Variants in FANCI observed in about 807,000 individuals in gnomAD.
FANCI encodes FA complementation group I.
A neutral mutation model predicts 176.1 loss-of-function variants in FANCI; 156 were observed. The observed-to-expected ratio is 0.89, with a 90% confidence interval of 0.78 to 1.01. The LOEUF (loss-of-function observed/expected upper bound fraction) is 1.01. FANCI is among the 50% of genes least tolerant of loss of function. The probability of loss-of-function intolerance (pLI) is 0.00; values close to 1 mark genes in which losing one functional copy is unlikely to be tolerated. For synonymous variants in FANCI, 613 were observed against 541.7 expected, an observed-to-expected ratio of 1.13 and a Z score of -1.83; for missense variants, 1,678 against 1,534.1, an observed-to-expected ratio of 1.09 and a Z score of -1.57.
chr15:89,296,199 A>G (rs1456438954), intron 24 of FANCI, among the ~76,000 whole-genome samples: 4 of 151,806 alleles, frequency 2.6e-5, no homozygotes, highest in African/African-American at 9.7e-5. Context: ...TCCTGACCTC[A>G]GGTGATCCAC....
intron 3 of FANCI, chr15:89,258,993 T>G (rs1218561611): frequency 1.9e-6 from 1 of 534,074 alleles, no homozygotes; most frequent in Non-Finnish European, 3.4e-6. Flanking sequence ...CGTTGCTGAT[T>G]TGGGGGCCTA....
chr15:89,273,897 G>GCCTTTTTTCCC (rs2053303318), intron 11 of FANCI, among the ~76,000 whole-genome samples: 4 of 152,158 alleles, frequency 2.6e-5, no homozygotes, highest in Admixed American at 1.3e-4. Flanking sequence ...TTGACTTTTA[G>GCCTTTTTTCCC]CCTTTTTTCC....
chr15:89,264,920 C>G (rs1261754403), intron 9 of FANCI, among the ~76,000 whole-genome samples: 1 of 152,174 alleles, frequency 6.6e-6, no homozygotes, highest in Non-Finnish European at 1.5e-5. Flanking sequence ...TGTCCCTGCT[C>G]TTGTAGAACT....
At chr15:89,267,531 AAG>A (rs1296328168) in intron 9 of FANCI, among the ~76,000 whole-genome samples, 2 of 152,096 alleles carry the variant, frequency 1.3e-5, no homozygotes, top group African/African-American at 2.4e-5. Flanking sequence ...TGAGGGTAGA[AAG>A]AGGATAGAAG....
At position 89,316,950 on chromosome 15, in the gene FANCI, C is replaced by G. The variant is rs1453542404; in HGVS notation, c.*491C>G. ...AGTGAAAGGTTGAGAACAATTGCCA[C>G]GAACGGTAATGTTACATGTTAGGAG... On this transcript the variant is annotated 3_prime_UTR_variant, in exon 38 of 38. Transcript: ENST00000310775. 8.9e-5 allele frequency: 68 copies of G among 760,734 alleles called. No individual in the cohort carries two copies. The highest frequency in any genetic ancestry group is 1.9e-5 in the Non-Finnish European group (8 of 418,842). The allele number at this position is 760,734 out of a possible 1,614,324, so 47.1% of individuals were successfully genotyped here. A position where few individuals can be genotyped will look rare whatever the true frequency, so the allele number is the denominator to read the frequency against.
At chr15:89,306,494 C>G (rs1410678145) in intron 32 of FANCI, among the ~76,000 whole-genome samples, 1 of 152,010 alleles carries the variant, frequency 6.6e-6, no homozygotes, top group Non-Finnish European at 1.5e-5. Context: ...GAGTTCGAGA[C>G]CAGCCTGGCC....
intron 18 of FANCI, among the ~76,000 whole-genome samples, chr15:89,288,994 C>A (rs1332359937): frequency 6.6e-6 from 1 of 151,744 alleles, no homozygotes; most frequent in Non-Finnish European, 1.5e-5. Context: ...AATGAATATT[C>A]ACTAACATTT....
At position 89,292,980 on chromosome 15, in the gene FANCI, C is replaced by T. The variant is rs1185426987; in HGVS notation, c.2208C>T (p.Gly736=). 1 of 1,613,968 alleles carries T rather than the reference C, an allele frequency of 6.2e-7. No homozygotes were observed. Among genetic ancestry groups the T allele is most frequent in the Middle Eastern group, 1.6e-4 (1 of 6,062 alleles). The part of the protein sequence containing the change: ...SADFSQSTSI[G]IKNNICAFLV... The stretch of plus-strand genomic sequence containing the variant: ...ATTTTTCTCAGAGCACCAGTATTGG[C>T]ATAAAAAATAATATCTGTGCTTTTC... The change falls in exon 22 of 38, where the codon GGC becomes GGT. Residue 736 remains glycine, a synonymous_variant. Transcript: ENST00000310775.
At chr15:89,297,908 G>A (rs1038863535) in intron 24 of FANCI, among the ~76,000 whole-genome samples, 1 of 151,824 alleles carries the variant, frequency 6.6e-6, no homozygotes, top group Non-Finnish European at 1.5e-5. Context: ...GCTTTGATAT[G>A]GATTGTTAGT....
chr15:89,297,144 C>T (rs2054322818), intron 24 of FANCI, among the ~76,000 whole-genome samples: 1 of 150,688 alleles, frequency 6.6e-6, no homozygotes, highest in South Asian at 2.1e-4. Flanking sequence ...GGCGGCAGGG[C>T]TCCTCACTTC....
intron 36 of FANCI, among the ~76,000 whole-genome samples, chr15:89,315,024 G>A (rs567502234): frequency 3.3e-5 from 5 of 151,992 alleles, no homozygotes; most frequent in South Asian, 2.1e-4. Context: ...GCCCAGGCTG[G>A]TCTCAAACTC....
intron 2 of FANCI, among the ~76,000 whole-genome samples, chr15:89,250,365 T>G (rs983680311): frequency 2.6e-5 from 4 of 152,004 alleles, no homozygotes; most frequent in Non-Finnish European, 4.4e-5. Context: ...TATGCAGCCA[T>G]AAAAAATGAT....
chr15:89,274,965 C>CT (rs1228940512), intron 12 of FANCI, among the ~76,000 whole-genome samples: 1 of 151,948 alleles, frequency 6.6e-6, no homozygotes, highest in Non-Finnish European at 1.5e-5. Context: ...AGTGCAATGG[C>CT]TATTCACAGG....
chr15:89,263,997 G>C lies in FANCI; in HGVS notation c.640G>C (p.Val214Leu). 2 of 1,614,028 alleles carry C rather than the reference G, an allele frequency of 1.2e-6. No homozygotes were observed. The highest frequency in any genetic ancestry group is 1.7e-6 in the Non-Finnish European group (2 of 1,179,936). ...GAATCTTCAAGAAATACCACCTTTG[G>C]TCTATCAGCTTCTGGTTCTCTCCTC... Reference protein sequence around the residue: ...KMNLQEIPPLVYQLLVLSSKG... With the variant: ...KMNLQEIPPLLYQLLVLSSKG... Residue 214 changes from valine to leucine, a missense_variant, in exon 8 of 38, where the codon GTC (valine) becomes CTC (leucine). Transcript: ENST00000310775.
chr15:89,304,712 G>C lies in FANCI; in HGVS notation c.3059-403G>C, dbSNP rs186644980. Among the ~76,000 whole-genome samples, 217 of 152,158 alleles carry C rather than the reference G, an allele frequency of 1.4e-3. 1 individual carries two copies. The highest frequency in any genetic ancestry group is 4.7e-3 in the African/African-American group (195 of 41,488). On this transcript the variant is annotated intron_variant, in intron 28 of 37. Transcript: ENST00000310775. ...ACACGACAAGCTACCTCCTGTTCTGGTTAGGCACTCCACCCCACACACCCT... is the reference window on the plus strand; with the variant it reads ...ACACGACAAGCTACCTCCTGTTCTGCTTAGGCACTCCACCCCACACACCCT...
chr15:89,292,502 A>T (rs896033775), intron 20 of FANCI, among the ~76,000 whole-genome samples, 186 bp from the exon 21 acceptor site: 6 of 152,230 alleles, frequency 3.9e-5, no homozygotes, highest in African/African-American at 9.6e-5. Flanking sequence ...GGGGGGAAGC[A>T]TTAGAAAAGG....
rs867735321 is a variant in FANCI at position 89,283,816 on chromosome 15, G to A, written c.1698+566G>A. On this transcript the variant is annotated intron_variant, in intron 17 of 37. Transcript: ENST00000310775. ...CACCCAGGCTGGAGTGCAGTGGCGC[G>A]ATCTCGGCTCACTGCAACTCACTGC... Among the ~76,000 whole-genome samples the A allele has an allele frequency of 6.6e-5, 10 of 150,926 alleles. 1 individual carries two copies. The highest frequency in any genetic ancestry group is 5.9e-4 in the Admixed American group (9 of 15,160).
intron 24 of FANCI, among the ~76,000 whole-genome samples, chr15:89,295,732 G>GC (rs150758657): frequency 0.24 from 27,197 of 112,190 alleles, 4,738 homozygotes; most frequent in African/African-American, 0.33. Context: ...TTCCCCTGGC[G>GC]CCCCCCCCAC....
intron 2 of FANCI, among the ~76,000 whole-genome samples, chr15:89,255,229 A>G (rs2052441426): frequency 6.6e-6 from 1 of 152,134 alleles, no homozygotes; most frequent in Admixed American, 6.5e-5. Flanking sequence ...GTGTCTCATG[A>G]TTGGACCAAT....
Sources: allele counts gnomAD v4.1 joint callset (sites outside exome capture counted in the v4.1 genomes callset), GRCh38; gene constraint gnomAD v4.1.1; transcripts MANE v1.5; gene names NCBI Gene and HGNC (gene_info 2026-07-23, HGNC 2026-07-21).